ERC2: variants seen among roughly 807,000 people sequenced by gnomAD.
ERC2 encodes ELKS/RAB6-interacting/CAST family member 2, also known as ERC protein 2.
Under a neutral mutation model 114.8 loss-of-function variants are expected in ERC2, and 42 were observed. The observed-to-expected ratio is 0.37, with a 90% CI of 0.29 to 0.47. The LOEUF (loss-of-function observed/expected upper bound fraction) is 0.47, where lower values mean the gene tolerates loss of function less well. Among genes scored for constraint, ERC2 ranks in the 20% least tolerant of loss-of-function variants. The pLI is 0.99. For synonymous variants in ERC2, 454 were observed against 425.5 expected, an observed-to-expected ratio of 1.07 and a Z score of -0.82; for missense variants, 939 against 1,150.7, an observed-to-expected ratio of 0.82 and a Z score of 2.66.
intron 12 of ERC2, among the ~76,000 whole-genome samples, chr3:55,985,600 C>T (rs1488485729): frequency 6.6e-6 from 1 of 152,134 alleles, no homozygotes. Flanking sequence ...ATATTTTGTT[C>T]TCCTAGGTTA....
rs375771378 is a variant in ERC2, at chr3:56,216,371, A to G, written c.1075-42851T>C. 2.1e-4 allele frequency among the ~76,000 whole-genome samples: 32 copies of G among 152,312 alleles called. No homozygotes were observed. The South Asian group carries it at 3.5e-3, about 17-fold the overall frequency. On this transcript the variant is annotated intron_variant, in intron 3 of 17. Transcript: ENST00000288221. Reference sequence around the variant, plus strand: ...CAGAGAATACTACAAACACCTCTACACAAATAAACTAGAAAATCTAGAAGA... The same window carrying G: ...CAGAGAATACTACAAACACCTCTACGCAAATAAACTAGAAAATCTAGAAGA...
chr3:55,515,565 T>TC (rs1285716403), intron 17 of ERC2, among the ~76,000 whole-genome samples: 3 of 151,702 alleles, frequency 2.0e-5, no homozygotes, highest in Non-Finnish European at 4.4e-5. Context: ...TTTTTTTTTT[T>TC]TTGCTCTTTT....
At chr3:55,865,444 C>A (rs1025218837) in intron 14 of ERC2, among the ~76,000 whole-genome samples, 1 of 152,098 alleles carries the variant, frequency 6.6e-6, no homozygotes, top group Non-Finnish European at 1.5e-5. Flanking sequence ...TCTGCAGAGA[C>A]CCCCTTTAAT....
chr3:56,154,035 A>G (rs540373099), intron 4 of ERC2, among the ~76,000 whole-genome samples: 5 of 152,214 alleles, frequency 3.3e-5, no homozygotes, highest in Non-Finnish European at 5.9e-5. Context: ...TGAAACTGTT[A>G]TTACTGGATA....
At chr3:55,637,355 G>A (rs1429047385) in intron 17 of ERC2, among the ~76,000 whole-genome samples, 1 of 152,222 alleles carries the variant, frequency 6.6e-6, no homozygotes, top group African/African-American at 2.4e-5. Flanking sequence ...GCTGCTCAAA[G>A]GATGGGTGGG....
At chr3:56,112,597 T>C (rs2079023389) in intron 6 of ERC2, among the ~76,000 whole-genome samples, 1 of 152,154 alleles carries the variant, frequency 6.6e-6, no homozygotes, top group African/African-American at 2.4e-5. Context: ...TTGTCATTAT[T>C]AAAAGGTGAT....
At chr3:55,900,662 T>G (rs1023720385) in intron 13 of ERC2, among the ~76,000 whole-genome samples, 3 of 152,200 alleles carry the variant, frequency 2.0e-5, no homozygotes, top group African/African-American at 7.2e-5. Context: ...CCTTGAACAA[T>G]AGGGAGTGGC....
Position 56,237,421 on chromosome 3 carries a change from T to C in ERC2, c.1074+58598A>G, listed in dbSNP as rs539623373. Among the ~76,000 whole-genome samples the C allele has an allele frequency of 5.3e-5, 8 of 152,336 alleles. No homozygotes were observed. The East Asian group carries it at 1.5e-3, about 29-fold the overall frequency. On this transcript the variant is annotated intron_variant, in intron 3 of 17. Coordinates refer to ENST00000288221, the MANE Select transcript of ERC2 (RefSeq NM_015576.3). ...GGTGCCACCATGGATATATCCACCC[T>C]TTGATCAGGGAGAAAAGCATATGTG...
At chr3:56,183,837 T>C (rs1351496649) in intron 3 of ERC2, among the ~76,000 whole-genome samples, 1 of 151,820 alleles carries the variant, frequency 6.6e-6, no homozygotes, top group Non-Finnish European at 1.5e-5. Context: ...ATCCAAGAGG[T>C]AAGGGCTGCA....
At chr3:56,099,988 G>A (rs2078265617) in intron 6 of ERC2, among the ~76,000 whole-genome samples, 1 of 151,620 alleles carries the variant, frequency 6.6e-6, no homozygotes, top group Admixed American at 6.6e-5. Context: ...CTCTTATTGG[G>A]GAGAAAAAAA....
intron 2 of ERC2, among the ~76,000 whole-genome samples, chr3:56,425,560 C>CTTTTT (rs67210393): frequency 3.2e-5 from 4 of 123,988 alleles, no homozygotes; most frequent in South Asian, 2.9e-4. Context: ...GACCCTTTTT[C>CTTTTT]TTTTTTTTTT....
intron 12 of ERC2, among the ~76,000 whole-genome samples, chr3:55,963,954 G>C (rs1442361681): frequency 6.6e-6 from 1 of 152,076 alleles, no homozygotes; most frequent in Non-Finnish European, 1.5e-5. Flanking sequence ...ATCTGAAATT[G>C]GGCTGCAGTG....
In ERC2 at chr3:56,315,508, T is replaced by G. The variant is rs141851255; in HGVS notation, c.658-19073A>C. On this transcript the variant is annotated intron_variant, in intron 2 of 17. Transcript: ENST00000288221. ...TTATTTTATTGTATCTGGATAATTT[T>G]GGGCCTATTAGCAACAACAAAAATT... 1.9e-4 allele frequency among the ~76,000 whole-genome samples: 29 copies of G among 152,336 alleles called. No homozygotes were observed. The East Asian group carries it at 4.4e-3, about 23-fold the overall frequency.
At chr3:56,309,773 A>C (rs1180648186) in intron 2 of ERC2, among the ~76,000 whole-genome samples, 2 of 152,222 alleles carry the variant, frequency 1.3e-5, no homozygotes, top group South Asian at 2.1e-4. Context: ...AGGGCTTGGC[A>C]CATAATGAAT....
intron 3 of ERC2, among the ~76,000 whole-genome samples, chr3:56,288,965 G>A (rs535883364): frequency 9.8e-5 from 15 of 152,294 alleles, no homozygotes; most frequent in South Asian, 8.3e-4. Flanking sequence ...GCCTTGGGGC[G>A]TGGTGGTTAC....
At chr3:56,377,379 C>T (rs73075809) in intron 2 of ERC2, among the ~76,000 whole-genome samples, 4,632 of 152,106 alleles carry the variant, frequency 0.03, 145 homozygotes, top group African/African-American at 0.071. Flanking sequence ...CCTGAGGATG[C>T]CATAAGACAG....
At chr3:55,948,882 G>A (rs1468383959) in intron 13 of ERC2, among the ~76,000 whole-genome samples, 1 of 152,094 alleles carries the variant, frequency 6.6e-6, no homozygotes, top group Non-Finnish European at 1.5e-5. Flanking sequence ...CCTTTTCCTT[G>A]TTATTATAAC....
intron 17 of ERC2, among the ~76,000 whole-genome samples, chr3:55,645,694 C>A (rs1396878697): frequency 6.6e-6 from 1 of 152,086 alleles, no homozygotes; most frequent in African/African-American, 2.4e-5. Flanking sequence ...CAGTGGGGGG[C>A]CCACCGTTAA....
At chr3:55,564,156 G>A (rs541461863) in intron 17 of ERC2, among the ~76,000 whole-genome samples, 1 of 152,308 alleles carries the variant, frequency 6.6e-6, no homozygotes, top group East Asian at 1.9e-4. Flanking sequence ...TTTCCCTGCT[G>A]AGCAATGGGG....
Sources: gnomAD v4.1 joint callset for allele counts (sites outside exome capture counted in the v4.1 genomes callset) on GRCh38, gnomAD v4.1.1 for gene constraint, MANE v1.5 for transcripts, NCBI Gene and HGNC (gene_info 2026-07-23, HGNC 2026-07-21) for gene names.